The following LRRC7 variants were observed in gnomAD, a reference collection of about 807,000 sequenced individuals.
LRRC7 encodes the protein leucine rich repeat containing 7.
Under a neutral mutation model 175.7 loss-of-function variants are expected in LRRC7, and 23 were observed. That is an observed-to-expected ratio of 0.13 (90% CI 0.09 to 0.19). The LOEUF (loss-of-function observed/expected upper bound fraction) is 0.19, where lower values mean the gene tolerates loss of function less well. Among genes scored for constraint, LRRC7 ranks in the 10% least tolerant of loss-of-function variants. The pLI is 1.00. For missense variants in LRRC7, 1,354 were observed against 1,904.7 expected (o/e 0.71, Z 5.38); for synonymous variants, 685 against 680.9 (o/e 1.01, Z -0.09).
chr1:69,765,723 A>G (rs1671552711), intron 3 of LRRC7, among the ~76,000 whole-genome samples: 1 of 152,102 alleles, frequency 6.6e-6, no homozygotes, highest in Admixed American at 6.6e-5. Flanking sequence ...TCACTGTCTT[A>G]ATCCTTCAAA....
At chr1:69,669,412 ACTCTCT>A (rs1658736080) in intron 1 of LRRC7, among the ~76,000 whole-genome samples, 1 of 151,988 alleles carries the variant, frequency 6.6e-6, no homozygotes, top group Non-Finnish European at 1.5e-5. Context: ...TGGCCTATAA[ACTCTCT>A]ACTGAAAAGT....
chr1:69,977,156 C>T (rs1652900150), intron 8 of LRRC7, among the ~76,000 whole-genome samples: 1 of 152,120 alleles, frequency 6.6e-6, no homozygotes, highest in African/African-American at 2.4e-5. Context: ...CCAAGTCCTA[C>T]CATTTTTATC....
At chr1:69,697,026 G>T (rs1235350980) in intron 2 of LRRC7, among the ~76,000 whole-genome samples, 1 of 152,080 alleles carries the variant, frequency 6.6e-6, no homozygotes, top group Non-Finnish European at 1.5e-5. Flanking sequence ...AGATCAATCA[G>T]ATCTGGGTCT....
At chr1:69,722,810 T>C (rs1040814193) in intron 2 of LRRC7, among the ~76,000 whole-genome samples, 1 of 152,118 alleles carries the variant, frequency 6.6e-6, no homozygotes, top group African/African-American at 2.4e-5. Context: ...TTTTTTCTTA[T>C]CGCTTTGTAA....
chr1:69,641,391 A>G (rs1261541651), intron 1 of LRRC7, among the ~76,000 whole-genome samples: 2 of 151,530 alleles, frequency 1.3e-5, no homozygotes, highest in African/African-American at 4.8e-5. Flanking sequence ...TACTCTGTTT[A>G]TTTATTTAGA....
At chr1:70,038,045 T>G (rs1313108816) in intron 20 of LRRC7, 68 bp from the exon 21 acceptor site, 1 of 1,523,146 alleles carries the variant, frequency 6.6e-7, no homozygotes, top group Admixed American at 2.2e-5. Context: ...TCTTTGCTGC[T>G]TGTTCTCTTT....
chr1:70,084,978 A>G (rs1471540693), intron 24 of LRRC7, among the ~76,000 whole-genome samples: 1 of 151,998 alleles, frequency 6.6e-6, no homozygotes, highest in Non-Finnish European at 1.5e-5. Flanking sequence ...TATTTTGCCT[A>G]TTTTTAAATT....
intron 5 of LRRC7, among the ~76,000 whole-genome samples, chr1:69,828,668 G>A (rs1680199263): frequency 6.6e-6 from 1 of 151,994 alleles, no homozygotes; most frequent in Admixed American, 6.6e-5. Flanking sequence ...GTTGTGCTAA[G>A]GAGGTAAAAT....
intron 8 of LRRC7, among the ~76,000 whole-genome samples, chr1:69,969,110 G>T (rs557390404): frequency 6.6e-6 from 1 of 152,088 alleles, no homozygotes; most frequent in South Asian, 2.1e-4. Flanking sequence ...GAGCCACCGT[G>T]CCTGGCCAAG....
intron 16 of LRRC7, 49 bp from the exon 17 acceptor site, chr1:70,023,077 C>A: frequency 7.2e-7 from 1 of 1,384,940 alleles, no homozygotes; most frequent in South Asian, 2.1e-5. Flanking sequence ...GAAAGTATTG[C>A]TACAGTGCTC....
intron 8 of LRRC7, among the ~76,000 whole-genome samples, chr1:69,965,325 G>A (rs902594035): frequency 9.2e-5 from 14 of 151,972 alleles, no homozygotes; most frequent in South Asian, 4.1e-4. Context: ...TTGTCATTTC[G>A]TGTATTGTCA....
At chr1:70,065,295 A>G (rs1349930492) in intron 23 of LRRC7, among the ~76,000 whole-genome samples, 2 of 151,834 alleles carry the variant, frequency 1.3e-5, no homozygotes, top group African/African-American at 4.8e-5. Context: ...GTTCACCTTA[A>G]CTTTGTCTTT....
chr1:69,576,607 AC>A (rs1426021525), intron 1 of LRRC7, among the ~76,000 whole-genome samples: 2 of 152,324 alleles, frequency 1.3e-5, no homozygotes, highest in Non-Finnish European at 2.9e-5. Context: ...CCATCTAATA[AC>A]CCTTTTTAAA....
chr1:69,713,787 A>G (rs911325405), intron 2 of LRRC7, among the ~76,000 whole-genome samples: 3 of 151,616 alleles, frequency 2.0e-5, no homozygotes, highest in African/African-American at 7.3e-5. Flanking sequence ...AATTCTGGGG[A>G]ATAGAGATAA....
intron 26 of LRRC7, 110 bp downstream of exon 26, chr1:70,107,936 A>C: frequency 1.0e-6 from 1 of 985,940 alleles, no homozygotes. Context: ...TCCTTCTCAC[A>C]TTGCTTATTT....
At chr1:69,583,185 A>C (rs190633250) in intron 1 of LRRC7, among the ~76,000 whole-genome samples, 45 of 152,114 alleles carry the variant, frequency 3.0e-4, no homozygotes, top group African/African-American at 9.9e-4. Flanking sequence ...ATAAAGCCTT[A>C]AATTCCCTTT....
intron 7 of LRRC7, among the ~76,000 whole-genome samples, chr1:69,909,697 T>C (rs369471484): frequency 1.1e-4 from 17 of 152,102 alleles, no homozygotes; most frequent in African/African-American, 3.1e-4. Flanking sequence ...TCTGGCTGCC[T>C]TTAACATTTT....
At chr1:69,690,291 G>A (rs1661684079) in intron 2 of LRRC7, among the ~76,000 whole-genome samples, 2 of 152,154 alleles carry the variant, frequency 1.3e-5, no homozygotes, top group Non-Finnish European at 2.9e-5. Flanking sequence ...TGTCTCTGAG[G>A]AGTAACTGTA....
intron 1 of LRRC7, among the ~76,000 whole-genome samples, chr1:69,616,431 A>G (rs1210948886): frequency 6.6e-6 from 1 of 152,088 alleles, no homozygotes; most frequent in Admixed American, 6.6e-5. Flanking sequence ...AAAGTATTCT[A>G]TAAGATAGCA....
Sources: gnomAD v4.1 joint callset for allele counts (sites outside exome capture counted in the v4.1 genomes callset) on GRCh38, gnomAD v4.1.1 for gene constraint, MANE v1.5 for transcripts, NCBI Gene and HGNC (gene_info 2026-07-23, HGNC 2026-07-21) for gene names.